Variants in STK3 observed in about 807,000 individuals in gnomAD.
STK3 encodes serine/threonine kinase 3, also known as serine/threonine-protein kinase 3.
STK3 carries 41 observed loss-of-function variants against 58.0 expected under a neutral mutation model. That is an observed-to-expected ratio of 0.71 (90% CI 0.55 to 0.92). The LOEUF is 0.92. STK3 is among the 40% of genes least tolerant of loss of function. The pLI, the probability that STK3 is intolerant of heterozygous loss-of-function variation, is 0.00. For synonymous variants in STK3, 170 were observed against 191.0 expected (o/e 0.89, Z 0.91); for missense variants, 479 against 602.7 (o/e 0.79, Z 2.15).
chr8:98,894,615 C>G (rs1047788946), intron 1 of STK3, among the ~76,000 whole-genome samples: 1 of 152,096 alleles, frequency 6.6e-6, no homozygotes. Context: ...TCATTCTGTC[C>G]CCAAATCTTA....
At chr8:98,856,651 C>A (rs925064683) in intron 3 of STK3, among the ~76,000 whole-genome samples, 2 of 152,144 alleles carry the variant, frequency 1.3e-5, no homozygotes, top group African/African-American at 4.8e-5. Context: ...TCTGGGTGCT[C>A]CTCAAACTAT....
At chr8:98,554,290 G>A (rs149465375) in intron 8 of STK3, among the ~76,000 whole-genome samples, 36 of 152,016 alleles carry the variant, frequency 2.4e-4, no homozygotes, top group African/African-American at 7.5e-4. Context: ...ATTTTGTCAC[G>A]GTTGCAACCA....
chr8:98,711,095 TA>T, intron 4 of STK3, among the ~76,000 whole-genome samples: 1 of 152,126 alleles, frequency 6.6e-6, no homozygotes, highest in South Asian at 2.1e-4. Flanking sequence ...GAAGGAAAAC[TA>T]ACAAACAGAA....
chr8:98,727,839 G>A (rs1182178244), intron 4 of STK3, among the ~76,000 whole-genome samples: 1 of 151,942 alleles, frequency 6.6e-6, no homozygotes, highest in East Asian at 1.9e-4. Context: ...CTCATTTTAC[G>A]GAACTCTCAG....
chr8:98,933,470 G>A (rs181625171), intron 1 of STK3, among the ~76,000 whole-genome samples: 1 of 152,268 alleles, frequency 6.6e-6, no homozygotes, highest in East Asian at 1.9e-4. Flanking sequence ...TGGACTATAT[G>A]TCCTTTTTCT....
chr8:98,753,167 C>T (rs1036277036), intron 3 of STK3, among the ~76,000 whole-genome samples: 1 of 152,284 alleles, frequency 6.6e-6, no homozygotes, highest in Middle Eastern at 3.4e-3. Context: ...CACATGCATG[C>T]TTATGTTCTT....
At chr8:98,763,061 G>C (rs1830731565) in intron 3 of STK3, among the ~76,000 whole-genome samples, 1 of 152,136 alleles carries the variant, frequency 6.6e-6, no homozygotes, top group African/African-American at 2.4e-5. Context: ...AATTTCAAAA[G>C]AGTCCCATAT....
chr8:98,476,564 C>G (rs754793644), intron 10 of STK3, among the ~76,000 whole-genome samples: 1 of 152,146 alleles, frequency 6.6e-6, no homozygotes, highest in Non-Finnish European at 1.5e-5. Flanking sequence ...CTTCCCCACC[C>G]TTTTTTCAGT....
chr8:98,695,266 A>C (rs1028336465), intron 6 of STK3, among the ~76,000 whole-genome samples: 2 of 152,246 alleles, frequency 1.3e-5, no homozygotes, highest in African/African-American at 4.8e-5. Context: ...AGATGAGTAG[A>C]TTGCAAAAAT....
chr8:98,692,134 C>G (rs1191099073), intron 6 of STK3, among the ~76,000 whole-genome samples: 2 of 152,184 alleles, frequency 1.3e-5, no homozygotes, highest in East Asian at 3.9e-4. Flanking sequence ...ATAACAAGTG[C>G]TAGCAGGAAC....
intron 2 of STK3, among the ~76,000 whole-genome samples, chr8:98,371,865 C>T (rs888697978): frequency 1.3e-5 from 2 of 152,124 alleles, no homozygotes; most frequent in African/African-American, 4.8e-5. Context: ...AATTGTCTCT[C>T]CCCAAATTGC....
Position 98,455,553 on chromosome 8 carries a change from AGGTTTAGAG to A in STK3, c.*280_*288del. Reference sequence around the variant, plus strand: ...ATGCAACAATAGCTTTGGATTTTCAAGGTTTAGAGACCTTGAAAATCCATTTCATAACAG... The same window carrying A: ...ATGCAACAATAGCTTTGGATTTTCAAACCTTGAAAATCCATTTCATAACAG... On this transcript the variant is annotated 3_prime_UTR_variant, in exon 11 of 11. Transcript: ENST00000419617. The A allele has an allele frequency of 7.9e-6, 3 of 379,570 alleles. No individual in the cohort carries two copies. Among genetic ancestry groups the A allele is most frequent in the Admixed American group, 8.7e-5 (2 of 22,930 alleles). 23.5% of individuals were successfully genotyped at this position (379,570 alleles called of 1,614,324 possible). A position where few individuals can be genotyped will look rare whatever the true frequency, so the allele number is the denominator to read the frequency against.
chr8:98,866,723 A>G (rs1361741946), intron 3 of STK3, among the ~76,000 whole-genome samples: 2 of 152,256 alleles, frequency 1.3e-5, no homozygotes, highest in Non-Finnish European at 2.9e-5. Flanking sequence ...GAGAGGACTG[A>G]AGTAAACAGG....
chr8:98,850,639 A>C (rs1214894239), intron 3 of STK3, among the ~76,000 whole-genome samples: 1 of 152,148 alleles, frequency 6.6e-6, no homozygotes, highest in Admixed American at 6.6e-5. Flanking sequence ...GTATGTACGA[A>C]GGCATGAAGA....
At chr8:98,836,089 T>C (rs1835735912) in intron 3 of STK3, among the ~76,000 whole-genome samples, 1 of 151,912 alleles carries the variant, frequency 6.6e-6, no homozygotes, top group African/African-American at 2.4e-5. Context: ...TAATTCCAGC[T>C]ACTTGGGAGG....
At chr8:98,583,987 T>C (rs552602633) in intron 7 of STK3, among the ~76,000 whole-genome samples, 23 of 152,252 alleles carry the variant, frequency 1.5e-4, no homozygotes, top group African/African-American at 4.3e-4. Context: ...AAACCTTCTC[T>C]CTGTAGGGTT....
intron 3 of STK3, among the ~76,000 whole-genome samples, chr8:98,423,940 C>T (rs2131059591): frequency 6.6e-6 from 1 of 152,326 alleles, no homozygotes; most frequent in South Asian, 2.1e-4. Flanking sequence ...CACCTGTACC[C>T]CCTCACCATC....
downstream of STK3, among the ~76,000 whole-genome samples, chr8:98,371,189 C>A (rs1410135981): frequency 6.6e-6 from 1 of 152,218 alleles, no homozygotes; most frequent in Non-Finnish European, 1.5e-5. Flanking sequence ...CCTAAAGCCA[C>A]TTGTGTAGTA....
intron 1 of STK3, among the ~76,000 whole-genome samples, chr8:98,387,646 G>A (rs1308522089): frequency 6.6e-6 from 1 of 152,176 alleles, no homozygotes; most frequent in Non-Finnish European, 1.5e-5. Context: ...TACTCAGGAG[G>A]CTGAGGCAGG....
Sources: allele counts gnomAD v4.1 joint callset (sites outside exome capture counted in the v4.1 genomes callset), GRCh38; gene constraint gnomAD v4.1.1; transcripts MANE v1.5; gene names NCBI Gene and HGNC (gene_info 2026-07-23, HGNC 2026-07-21).